Variants in THBS4 observed in about 807,000 individuals in gnomAD.
THBS4 encodes the protein thrombospondin-4.
THBS4 carries 90 observed loss-of-function variants against 115.7 expected under a neutral mutation model. The ratio of observed to expected loss-of-function variants is 0.78; its 90% CI spans 0.66 to 0.93. THBS4 has a LOEUF of 0.93. Among genes scored for constraint, THBS4 ranks in the 40% least tolerant of loss-of-function variants. The pLI is 0.00. For synonymous variants in THBS4, 460 were observed against 479.3 expected (o/e 0.96, Z 0.53); for missense variants, 1,087 against 1,232.7 (o/e 0.88, Z 1.77).
rs34135437 is a variant in THBS4 at position 80,066,094 on chromosome 5, CAAAAAAAAAA to C, written c.1194+629_1194+638del. Among the ~76,000 whole-genome samples, 10 of 80,704 alleles carry C rather than the reference CAAAAAAAAAA, an allele frequency of 1.2e-4. No individual in the cohort carries two copies. The South Asian group carries it at 4.2e-3, about 34-fold the overall frequency. The allele number at this position is 80,704 out of a possible 152,430, so 52.9% of individuals were successfully genotyped here. On this transcript the variant is annotated intron_variant, in intron 9 of 21. Coordinates refer to ENST00000350881, the MANE Select transcript of THBS4 (RefSeq NM_003248.6). ...TGGGCGACAGAGCAAGACTCCCTCT[CAAAAAAAAAA>C]AAAAAAAAAAACTTTTCAAAACTTT...
intron 2 of THBS4, among the ~76,000 whole-genome samples, chr5:80,006,961 C>T (rs1832030273): frequency 6.6e-6 from 1 of 152,134 alleles, no homozygotes; most frequent in Non-Finnish European, 1.5e-5. Context: ...TATTGAGCAC[C>T]AACTATGTGC....
chr5:80,077,233 C>T (rs1743263337), intron 16 of THBS4, among the ~76,000 whole-genome samples, 185 bp downstream of exon 16: 1 of 152,220 alleles, frequency 6.6e-6, no homozygotes, highest in South Asian at 2.1e-4. Flanking sequence ...AGACACCAGT[C>T]TCCAACTCAG....
rs1484935400 is a variant in THBS4 at position 80,078,939 on chromosome 5, AC to A, written c.2286del (p.Met763Ter). 6.2e-7 allele frequency: 1 copy of A among 1,614,156 alleles called. No homozygotes were observed. The highest frequency in any genetic ancestry group is 8.5e-7 in the Non-Finnish European group (1 of 1,180,004). ...TCTGCAGGGCATGGAGATTGTACAG[AC>A]CATGAACAGTGATCCTGGCCTGGCA... The part of the protein sequence containing the change: ...VLNQGMEIVQ[T>X]MNSDPGLAVG... On this transcript the variant is annotated frameshift_variant, in exon 18 of 22. Coordinates refer to ENST00000350881, the MANE Select transcript of THBS4 (RefSeq NM_003248.6). LOFTEE classifies it high-confidence loss of function.
At position 80,025,107 on chromosome 5, in the gene THBS4, A is replaced by G. The variant is rs531763319; in HGVS notation, n.178-14970A>G. ...TTGTAAAGATTAGATGAGATCAAAT[A>G]TAAGACAAAGCTCCCTATCTGAATG... On this transcript the variant is annotated intron_variant and non_coding_transcript_variant, in intron 2 of 3. Transcript: ENST00000510218. 9.8e-4 allele frequency among the ~76,000 whole-genome samples: 149 copies of G among 152,346 alleles called. 1 individual carries two copies. Among genetic ancestry groups the G allele is most frequent in the African/African-American group, 3.5e-3 (147 of 41,572 alleles).
chr5:80,074,424 G>T (rs13167730), intron 15 of THBS4: 10,325 of 152,200 alleles, frequency 0.068, 472 homozygotes, highest in Middle Eastern at 0.099. Context: ...GCAACCCAAG[G>T]TTCTAAACCC....
chr5:80,082,631 C>G (rs979640679), intron 21 of THBS4, 86 bp downstream of exon 21: 5 of 1,536,948 alleles, frequency 3.3e-6, no homozygotes, highest in Non-Finnish European at 4.4e-6. Context: ...ACTTCCCCCC[C>G]AAAAGCCCAA....
At chr5:80,053,724 C>A (rs973210510) in intron 2 of THBS4, among the ~76,000 whole-genome samples, 7 of 152,130 alleles carry the variant, frequency 4.6e-5, no homozygotes, top group African/African-American at 1.2e-4. Flanking sequence ...ATTAGCCATG[C>A]CTGGCTAATT....
At chr5:80,065,628 G>T in intron 9 of THBS4, 151 bp downstream of exon 9, 1 of 546,760 alleles carries the variant, frequency 1.8e-6, no homozygotes, top group Non-Finnish European at 3.0e-6. Context: ...TGCTGAAAAA[G>T]TGTTTAATAT....
At chr5:79,995,281 T>C (rs559711277) in intron 1 of THBS4, among the ~76,000 whole-genome samples, 1 of 152,330 alleles carries the variant, frequency 6.6e-6, no homozygotes, top group Admixed American at 6.5e-5. Context: ...AAGCATTTTA[T>C]AAACCCATAA....
chr5:80,022,209 A>G (rs1047364777), intron 2 of THBS4, among the ~76,000 whole-genome samples: 1 of 152,162 alleles, frequency 6.6e-6, no homozygotes, highest in African/African-American at 2.4e-5. Context: ...CTCAGGACTC[A>G]GGCTTTCATT....
intron 20 of THBS4, 135 bp from the exon 21 acceptor site, chr5:80,082,271 C>A: frequency 1.7e-6 from 2 of 1,202,216 alleles, no homozygotes; most frequent in Non-Finnish European, 2.3e-6. Context: ...CAATCCAGGT[C>A]AGCGAAAAAT....
intron 20 of THBS4, among the ~76,000 whole-genome samples, chr5:80,081,364 A>G (rs1743497028): frequency 6.6e-6 from 1 of 152,224 alleles, no homozygotes; most frequent in African/African-American, 2.4e-5. Context: ...AAATGGAATC[A>G]TAGAAATTAC....
intron 16 of THBS4, among the ~76,000 whole-genome samples, chr5:80,077,502 C>G (rs1743274877): frequency 6.6e-6 from 1 of 152,192 alleles, no homozygotes; most frequent in South Asian, 2.1e-4. Flanking sequence ...ATGTCTGCAC[C>G]AAGCCAGACA....
At chr5:80,007,879 C>A (rs1832049294) in intron 2 of THBS4, among the ~76,000 whole-genome samples, 1 of 152,168 alleles carries the variant, frequency 6.6e-6, no homozygotes, top group African/African-American at 2.4e-5. Flanking sequence ...TATTCAGATT[C>A]TTCTCAAATA....
rs749262889 is a variant in THBS4 at position 80,072,411 on chromosome 5, G to C, written c.1839+15G>C. The stretch of plus-strand genomic sequence containing the variant: ...ACCCTAACCAGGTTAGTAGGATACT[G>C]GGGAATTCAAACTCCAGGCTGAATT... On this transcript the variant is annotated intron_variant, in intron 14 of 21. Coordinates refer to ENST00000350881, the MANE Select transcript of THBS4 (RefSeq NM_003248.6). The C allele has an allele frequency of 6.2e-7, 1 of 1,605,546 alleles. No individual in the cohort carries two copies. The highest frequency in any genetic ancestry group is 8.5e-7 in the Non-Finnish European group (1 of 1,172,554).
chr5:79,992,797 A>G (rs1033086352), intron 1 of THBS4, among the ~76,000 whole-genome samples: 2 of 152,232 alleles, frequency 1.3e-5, no homozygotes, highest in Non-Finnish European at 2.9e-5. Flanking sequence ...TACTACAGAA[A>G]CACAAAGGAG....
Position 80,035,655 on chromosome 5 carries a change from G to C in THBS4, c.88+30G>C. On this transcript the variant is annotated intron_variant, in intron 1 of 21. Transcript: ENST00000350881. This position sits in a 1 kb window ranked among gnomAD's most constrained non-coding sequence, Gnocchi z 4.6. ...GTGGGTTCGGGTCGGGCCTGGGAGC[G>C]CCGGGCACCGGGTGCCCCATCTGCT... 1 of 1,300,426 alleles carries C rather than the reference G, an allele frequency of 7.7e-7. No individual in the cohort carries two copies. The highest frequency in any genetic ancestry group is 9.8e-7 in the Non-Finnish European group (1 of 1,019,746). The allele number at this position is 1,300,426 out of a possible 1,614,324, so 80.6% of individuals were successfully genotyped here.
At chr5:80,051,438 A>C (rs1833253970) in intron 2 of THBS4, among the ~76,000 whole-genome samples, 1 of 152,230 alleles carries the variant, frequency 6.6e-6, no homozygotes, top group Non-Finnish European at 1.5e-5. Context: ...GAAGAATGGG[A>C]AATGTCAAGG....
intron 2 of THBS4, among the ~76,000 whole-genome samples, chr5:80,014,775 A>G (rs1240570925): frequency 6.6e-6 from 1 of 152,250 alleles, no homozygotes; most frequent in Non-Finnish European, 1.5e-5. Context: ...CCATAAGCAT[A>G]AAACTAAGAG....
Sources: allele counts gnomAD v4.1 joint callset (sites outside exome capture counted in the v4.1 genomes callset), GRCh38; gene constraint gnomAD v4.1.1; non-coding constraint Gnocchi (gnomAD v3.1); transcripts MANE v1.5; gene names NCBI Gene and HGNC (gene_info 2026-07-23, HGNC 2026-07-21).